The following OSBPL9 variants were observed in gnomAD, a reference collection of about 807,000 sequenced individuals.
OSBPL9 encodes the protein oxysterol-binding protein-related protein 9.
In OSBPL9, 40 loss-of-function variants were observed where a neutral mutation model predicts 106.6. The ratio of observed to expected loss-of-function variants is 0.38; its 90% confidence interval spans 0.29 to 0.49. OSBPL9 has a LOEUF of 0.49. Ranked by LOEUF, OSBPL9 falls within the 20% of genes least tolerant of loss-of-function variation. OSBPL9 has a pLI of 0.97. For synonymous variants in OSBPL9, 269 were observed against 295.4 expected (o/e 0.91, Z 0.92); for missense variants, 609 against 887.2 (o/e 0.69, Z 3.98).
chr1:51,627,389 A>G (rs936183031), intron 1 of OSBPL9, among the ~76,000 whole-genome samples: 1 of 152,070 alleles, frequency 6.6e-6, no homozygotes, highest in Non-Finnish European at 1.5e-5. Context: ...CATCTGTTGG[A>G]AAGACTTCTT....
At chr1:51,771,944 C>G in intron 12 of OSBPL9, 126 bp from the exon 13 acceptor site, 1 of 653,700 alleles carries the variant, frequency 1.5e-6, no homozygotes, top group Non-Finnish European at 2.6e-6. Flanking sequence ...GACAAGAGAC[C>G]TTGTCATCAA....
intron 14 of OSBPL9, among the ~76,000 whole-genome samples, chr1:51,773,370 G>A (rs1674363069): frequency 6.6e-6 from 1 of 152,100 alleles, no homozygotes; most frequent in Admixed American, 6.6e-5. Context: ...TCCTGCCACT[G>A]TGCTAGAAAA....
intron 7 of OSBPL9, 78 bp from the exon 8 acceptor site, chr1:51,750,066 AT>A: frequency 9.5e-7 from 1 of 1,054,198 alleles, no homozygotes; most frequent in South Asian, 1.5e-5. Context: ...ATCTGAACTG[AT>A]TTTTATATTT....
At chr1:51,617,091 T>G (rs770166902), upstream of OSBPL9, 1 of 1,600,738 alleles carries the variant, frequency 6.2e-7, no homozygotes, top group African/African-American at 1.3e-5. Context: ...GGCCGTTTGT[T>G]GTCATTGGCG....
chr1:51,628,505 A>C (rs1570637458), intron 1 of OSBPL9, among the ~76,000 whole-genome samples: 1 of 151,222 alleles, frequency 6.6e-6, no homozygotes, highest in East Asian at 2.0e-4. Flanking sequence ...AATTGCTTGA[A>C]CCCGGGAGGT....
chr1:51,557,023 C>A, the OSBPL9 span, among the ~76,000 whole-genome samples: 1 of 151,680 alleles, frequency 6.6e-6, no homozygotes, highest in East Asian at 1.9e-4. Context: ...CCCATTTACC[C>A]TGATGTGATT....
chr1:51,609,616 G>C (rs1290716469), intron 2 of OSBPL9, among the ~76,000 whole-genome samples: 1 of 150,986 alleles, frequency 6.6e-6, no homozygotes, highest in Non-Finnish European at 1.5e-5. Context: ...CTCCCAAAGT[G>C]CTGGAATTAT....
rs1041729770 is a variant in OSBPL9 at position 51,729,838 on chromosome 1, G to C, written c.319-15698G>C. The C allele has an allele frequency of 4.0e-6, 5 of 1,245,432 alleles. No homozygotes were observed. In the African/African-American group the frequency reaches 7.8e-5, roughly 19 times the overall value. The allele number at this position is 1,245,432 out of a possible 1,614,324, so 77.1% of individuals were successfully genotyped here. On this transcript the variant is annotated intron_variant, in intron 4 of 23. Coordinates refer to ENST00000428468, the MANE Select transcript of OSBPL9 (RefSeq NM_024586.6). The surrounding 1 kb of genome is among the most constrained non-coding windows in gnomAD (Gnocchi z 5.1). ...GTGAAGGGGGTGAAGGGGGTGTCCC[G>C]GGGGACGGGCTGAACCTCAGTCAGG...
intron 9 of OSBPL9, chr1:51,760,315 G>T (rs943905532): frequency 9.1e-6 from 2 of 220,536 alleles, no homozygotes; most frequent in African/African-American, 4.7e-5. Flanking sequence ...TGGACATTTG[G>T]TGTAACTCAC....
At chr1:51,626,287 C>G (rs1007171869) in intron 1 of OSBPL9, among the ~76,000 whole-genome samples, 8 of 152,170 alleles carry the variant, frequency 5.3e-5, no homozygotes, top group African/African-American at 1.9e-4. Context: ...CTTTCCCTAT[C>G]ATAGAAGAGG....
the OSBPL9 span, chr1:51,569,843 C>G: frequency 6.6e-6 from 1 of 152,158 alleles, no homozygotes; most frequent in Admixed American, 6.6e-5. Context: ...CTGGTATTTT[C>G]TTCCATACCT....
At chr1:51,684,178 A>G (rs1313843658) in intron 3 of OSBPL9, among the ~76,000 whole-genome samples, 1 of 151,928 alleles carries the variant, frequency 6.6e-6, no homozygotes, top group Non-Finnish European at 1.5e-5. Context: ...TAATTTATTT[A>G]TTTTTTATTT....
chr1:51,615,206 C>T (rs1644023178), upstream of OSBPL9, among the ~76,000 whole-genome samples: 2 of 152,156 alleles, frequency 1.3e-5, no homozygotes, highest in Non-Finnish European at 1.5e-5. Flanking sequence ...GAGCCGAGAT[C>T]GTGCCACTGC....
intron 1 of OSBPL9, among the ~76,000 whole-genome samples, chr1:51,637,341 T>C (rs986189252): frequency 6.6e-6 from 1 of 152,030 alleles, no homozygotes; most frequent in Non-Finnish European, 1.5e-5. Flanking sequence ...AAATACAAAA[T>C]TAGCCGGGCT....
intron 20 of OSBPL9, 27 bp downstream of exon 20, chr1:51,784,609 C>T (rs954696261): frequency 3.1e-6 from 5 of 1,607,082 alleles, no homozygotes; most frequent in Non-Finnish European, 4.3e-6. Flanking sequence ...CCTTAGAGCT[C>T]TTATGCTTTT....
rs147875767 is a variant in OSBPL9 at position 51,592,377 on chromosome 1, A to G, written c.-422-5747A>G. 4.5e-3 allele frequency among the ~76,000 whole-genome samples: 682 copies of G among 152,202 alleles called. 4 individuals are homozygous for G. Among genetic ancestry groups the G allele is most frequent in the African/African-American group, 0.015 (631 of 41,546 alleles). ...TGATCTGCCCATCTCGGCCTCCCAAAGTGCTGGGATTACAGGCGTGAGCCA... is the reference window on the plus strand; with the variant it reads ...TGATCTGCCCATCTCGGCCTCCCAAGGTGCTGGGATTACAGGCGTGAGCCA... On this transcript the variant is annotated intron_variant, in intron 1 of 25. Coordinates refer to the OSBPL9 transcript ENST00000371714.
intron 2 of OSBPL9, among the ~76,000 whole-genome samples, chr1:51,603,838 G>A (rs1643912426): frequency 6.6e-6 from 1 of 152,060 alleles, no homozygotes; most frequent in Non-Finnish European, 1.5e-5. Flanking sequence ...GTAGGAGTTG[G>A]GTAGTAAGAC....
chr1:51,738,850 G>C (rs1007869220), intron 4 of OSBPL9, among the ~76,000 whole-genome samples: 1 of 151,856 alleles, frequency 6.6e-6, no homozygotes, highest in African/African-American at 2.4e-5. Context: ...CCTTCTATGC[G>C]TAAGGGCCTG....
intron 20 of OSBPL9, chr1:51,785,593 A>G: frequency 1.8e-6 from 1 of 545,288 alleles, no homozygotes; most frequent in South Asian, 2.2e-5. Context: ...TCTTGCCCAA[A>G]CCCACCATTC....
Sources: gnomAD v4.1 joint callset for allele counts (sites outside exome capture counted in the v4.1 genomes callset) on GRCh38, gnomAD v4.1.1 for gene constraint, Gnocchi (gnomAD v3.1) non-coding constraint, MANE v1.5 for transcripts, NCBI Gene and HGNC (gene_info 2026-07-23, HGNC 2026-07-21) for gene names.